The following NALCN variants were observed in gnomAD, a reference collection of about 807,000 sequenced individuals.
The protein encoded by NALCN is sodium leak channel, non-selective.
Under a neutral mutation model 225.3 loss-of-function variants are expected in NALCN, and 111 were observed. That is an observed-to-expected ratio of 0.49 (90% CI 0.42 to 0.58). The LOEUF is 0.58. NALCN is among the 20% of genes least tolerant of loss of function. NALCN has a pLI of 0.00. For synonymous variants in NALCN, 764 were observed against 769.0 expected (o/e 0.99, Z 0.11); for missense variants, 1,378 against 2,202.4 (o/e 0.63, Z 7.49).
intron 10 of NALCN, among the ~76,000 whole-genome samples, chr13:101,280,662 T>C (rs2043136756): frequency 6.6e-6 from 1 of 152,146 alleles, no homozygotes; most frequent in South Asian, 2.1e-4. Context: ...TTATGATTAC[T>C]TGCATATTTT....
At chr13:101,379,690 G>A (rs957489012) in intron 3 of NALCN, among the ~76,000 whole-genome samples, 2 of 152,012 alleles carry the variant, frequency 1.3e-5, no homozygotes, top group Non-Finnish European at 2.9e-5. Flanking sequence ...CACAGGGAGG[G>A]GAACATCACA....
chr13:101,322,100 G>A (rs2139195909), intron 7 of NALCN, among the ~76,000 whole-genome samples: 1 of 152,110 alleles, frequency 6.6e-6, no homozygotes, highest in Non-Finnish European at 1.5e-5. Flanking sequence ...TTTTTCTAAT[G>A]AATTTCTCCT....
intron 1 of NALCN, among the ~76,000 whole-genome samples, chr13:101,409,885 C>T (rs902503740): frequency 6.6e-6 from 1 of 152,154 alleles, no homozygotes; most frequent in African/African-American, 2.4e-5. Flanking sequence ...AATGGTTCTG[C>T]CTTCCTCAAG....
chr13:101,135,858 A>C (rs1013514783), intron 17 of NALCN, among the ~76,000 whole-genome samples: 2 of 152,218 alleles, frequency 1.3e-5, no homozygotes, highest in African/African-American at 4.8e-5. Context: ...GTAAATTTCC[A>C]AGATAGATTT....
intron 1 of NALCN, among the ~76,000 whole-genome samples, chr13:101,412,767 T>C (rs1336433728): frequency 6.6e-6 from 1 of 152,212 alleles, no homozygotes. Context: ...GATCCTCTTC[T>C]TCCTTTACCT....
intron 7 of NALCN, among the ~76,000 whole-genome samples, chr13:101,335,338 G>A (rs1221814464): frequency 6.6e-6 from 1 of 152,084 alleles, no homozygotes; most frequent in East Asian, 1.9e-4. Flanking sequence ...GGCCCTATTT[G>A]AGAACCTGAG....
intron 17 of NALCN, among the ~76,000 whole-genome samples, chr13:101,142,041 T>A (rs2037105673): frequency 6.6e-6 from 1 of 152,010 alleles, no homozygotes; most frequent in Admixed American, 6.5e-5. Flanking sequence ...TATAGTTTGA[T>A]ACTATGCATA....
At chr13:101,249,251 G>A (rs1281736585) in intron 11 of NALCN, among the ~76,000 whole-genome samples, 1 of 152,128 alleles carries the variant, frequency 6.6e-6, no homozygotes, top group Non-Finnish European at 1.5e-5. Context: ...AATAAACCAT[G>A]AAACTGACAA....
chr13:101,066,362 AG>A (rs1757405459), intron 39 of NALCN, among the ~76,000 whole-genome samples: 1 of 151,710 alleles, frequency 6.6e-6, no homozygotes, highest in South Asian at 2.1e-4. Context: ...CTTCAGGATT[AG>A]AAAAACTATA....
intron 1 of NALCN, among the ~76,000 whole-genome samples, chr13:101,400,772 A>G (rs1438064692): frequency 7.9e-5 from 12 of 151,436 alleles, no homozygotes; most frequent in African/African-American, 2.9e-4. Flanking sequence ...GTGTCCTCCC[A>G]CCCCCCAAAA....
chr13:101,082,721 A>G (rs1248406373), intron 33 of NALCN, 88 bp downstream of exon 33: 3 of 1,320,006 alleles, frequency 2.3e-6, no homozygotes, highest in Non-Finnish European at 3.3e-6. Context: ...GAACACAGAG[A>G]GGAGAGTAAG....
intron 15 of NALCN, among the ~76,000 whole-genome samples, chr13:101,175,595 A>C (rs1237388436): frequency 5.3e-5 from 8 of 152,158 alleles, no homozygotes; most frequent in African/African-American, 1.9e-4. Context: ...GTGATACAAG[A>C]ACGTTCCACC....
intron 18 of NALCN, among the ~76,000 whole-genome samples, chr13:101,112,173 T>C (rs1303578033): frequency 6.6e-6 from 1 of 151,460 alleles, no homozygotes; most frequent in East Asian, 1.9e-4. Flanking sequence ...AAATGTTATG[T>C]GTTGTTTTTA....
At chr13:101,375,191 T>C (rs533838083) in intron 6 of NALCN, among the ~76,000 whole-genome samples, 8 of 152,284 alleles carry the variant, frequency 5.3e-5, no homozygotes, top group South Asian at 2.1e-4. Flanking sequence ...TACGTATCTC[T>C]TTATGACAAC....
chr13:101,224,454 C>A (rs1271329992), intron 13 of NALCN, among the ~76,000 whole-genome samples: 1 of 152,130 alleles, frequency 6.6e-6, no homozygotes, highest in Non-Finnish European at 1.5e-5. Context: ...CTAATCATAT[C>A]AACCTCACCA....
chr13:101,269,820 C>G (rs1334046095), intron 10 of NALCN, among the ~76,000 whole-genome samples: 2 of 152,142 alleles, frequency 1.3e-5, no homozygotes, highest in African/African-American at 2.4e-5. Flanking sequence ...CCCTCTGATT[C>G]TGACATACAC....
chr13:101,083,011 G>A, intron 32 of NALCN, 81 bp downstream of exon 32: 1 of 1,527,612 alleles, frequency 6.5e-7, no homozygotes, highest in Non-Finnish European at 9.1e-7. Flanking sequence ...AACCGTGAAT[G>A]CATATAGCAG....
At chr13:101,185,932 T>A (rs2039432127) in intron 14 of NALCN, among the ~76,000 whole-genome samples, 1 of 152,204 alleles carries the variant, frequency 6.6e-6, no homozygotes, top group African/African-American at 2.4e-5. Flanking sequence ...TTAAAATGCG[T>A]TGTAGCATTT....
intron 3 of NALCN, among the ~76,000 whole-genome samples, chr13:101,388,445 AG>A (rs1209643345): frequency 6.6e-6 from 1 of 152,130 alleles, no homozygotes; most frequent in African/African-American, 2.4e-5. Flanking sequence ...TTTTGGTTGT[AG>A]TAAATAGCTC....
Sources: gnomAD v4.1 joint callset for allele counts (sites outside exome capture counted in the v4.1 genomes callset) on GRCh38, gnomAD v4.1.1 for gene constraint, MANE v1.5 for transcripts, NCBI Gene and HGNC (gene_info 2026-07-23, HGNC 2026-07-21) for gene names.